MPP7: variants seen among roughly 807,000 people sequenced by gnomAD.
MPP7 encodes the protein MAGUK p55 subfamily member 7.
Under a neutral mutation model 76.5 loss-of-function variants are expected in MPP7, and 60 were observed. That is an observed-to-expected ratio of 0.78 (90% CI 0.64 to 0.97). The LOEUF (loss-of-function observed/expected upper bound fraction) is 0.97, where lower values mean the gene tolerates loss of function less well. MPP7 is among the 50% of genes least tolerant of loss of function. The pLI is 0.00. For missense variants in MPP7, 641 were observed against 694.0 expected (o/e 0.92, Z 0.86); for synonymous variants, 237 against 244.5 (o/e 0.97, Z 0.29).
chr10:28,120,522 G>T, intron 9 of MPP7, 72 bp downstream of exon 9: 2 of 1,513,866 alleles, frequency 1.3e-6, no homozygotes, highest in Non-Finnish European at 9.1e-7. Context: ...TTGTGACAAA[G>T]TGGATATGTG....
chr10:28,303,697 C>T (rs569273760), upstream of MPP7, among the ~76,000 whole-genome samples: 18 of 152,062 alleles, frequency 1.2e-4, no homozygotes, highest in African/African-American at 3.6e-4. Context: ...GAGTAGGGTG[C>T]GGAGAATGGT....
At position 28,263,340 on chromosome 10, in the gene MPP7, C is replaced by G. The variant is rs559430436; in HGVS notation, c.-131-24605G>C. 2.0e-4 allele frequency among the ~76,000 whole-genome samples: 30 copies of G among 148,700 alleles called. No individual in the cohort carries two copies. The East Asian group carries it at 6.6e-3, about 33-fold the overall frequency. On this transcript the variant is annotated intron_variant, in intron 1 of 16. Coordinates refer to ENST00000683449, the MANE Select transcript of MPP7 (RefSeq NM_001318170.2). Reference sequence around the variant, plus strand: ...GAGGGTAAAGTCACAAGGTTTGAAGCTGTGTTTGCATAGTTCTGCAAATAA... The same window carrying G: ...GAGGGTAAAGTCACAAGGTTTGAAGGTGTGTTTGCATAGTTCTGCAAATAA...
Position 28,233,734 on chromosome 10 carries a change from A to AG in MPP7, c.37+4833_37+4834insC, listed in dbSNP as rs1472630282. ...CTCCGTCTCAAAAAAAAAAAAAAAA[A>AG]AGAGAGAAACAACACTCCAAGGCTG... On this transcript the variant is annotated intron_variant, in intron 2 of 16. Transcript: ENST00000683449. Among the ~76,000 whole-genome samples the AG allele has an allele frequency of 1.3e-4, 19 of 148,814 alleles. No homozygotes were observed. In the East Asian group the frequency reaches 3.1e-3, roughly 24 times the overall value.
At chr10:28,136,180 C>T (rs1402726312) in intron 5 of MPP7, among the ~76,000 whole-genome samples, 1 of 151,664 alleles carries the variant, frequency 6.6e-6, no homozygotes, top group South Asian at 2.1e-4. Context: ...AAAATAAGCT[C>T]AAGGTTCCCA....
intron 16 of MPP7, among the ~76,000 whole-genome samples, chr10:28,056,235 A>G (rs146562730): frequency 0.024 from 3,579 of 151,080 alleles, 97 homozygotes; most frequent in East Asian, 0.12. Flanking sequence ...TCAGCTCACT[A>G]CACTCTCAGT....
chr10:28,274,101 CTTT>C (rs60127503), intron 1 of MPP7, among the ~76,000 whole-genome samples: 2 of 123,650 alleles, frequency 1.6e-5, no homozygotes, highest in Admixed American at 8.3e-5. Context: ...AAATTTTTTT[CTTT>C]TTTTTTTTTT....
chr10:28,098,113 T>C (rs1168415209), intron 11 of MPP7, among the ~76,000 whole-genome samples: 2 of 152,108 alleles, frequency 1.3e-5, no homozygotes, highest in Non-Finnish European at 2.9e-5. Flanking sequence ...ATATTATAGA[T>C]AAATATTATA....
At chr10:28,241,491 A>G (rs1301420238) in intron 1 of MPP7, among the ~76,000 whole-genome samples, 9 of 152,208 alleles carry the variant, frequency 5.9e-5, no homozygotes, top group Non-Finnish European at 8.8e-5. Context: ...GCTAGGTTTA[A>G]CTTTCAAACT....
At chr10:28,181,205 T>C (rs552582939) in intron 3 of MPP7, among the ~76,000 whole-genome samples, 104 of 152,186 alleles carry the variant, frequency 6.8e-4, no homozygotes, top group Non-Finnish European at 1.2e-3. Flanking sequence ...AATTTTAAAA[T>C]GTTAAAGATT....
In MPP7 at chr10:28,120,410, A is replaced by G. The variant is rs1834798182; in HGVS notation, c.691-20T>C. 1.3e-6 allele frequency: 2 copies of G among 1,589,614 alleles called. No individual in the cohort carries two copies. Among genetic ancestry groups the G allele is most frequent in the Non-Finnish European group, 8.6e-7 (1 of 1,165,862 alleles). On this transcript the variant is annotated intron_variant, in intron 9 of 16. Coordinates refer to ENST00000683449, the MANE Select transcript of MPP7 (RefSeq NM_001318170.2). The stretch of plus-strand genomic sequence containing the variant: ...AAACATCTGGAAGAAAAGTTTCATT[A>G]AAGATGAATAAAGATAAAAAATAAA...
chr10:28,297,868 T>C (rs1841070746), intron 1 of MPP7, among the ~76,000 whole-genome samples: 1 of 152,218 alleles, frequency 6.6e-6, no homozygotes. Context: ...TTGTAAATCG[T>C]TCATTGTCAT....
chr10:28,288,948 C>T (rs12570446), intron 1 of MPP7, among the ~76,000 whole-genome samples: 21,860 of 151,992 alleles, frequency 0.14, 2,156 homozygotes, highest in East Asian at 0.46. Context: ...GGGAAGTCAG[C>T]AGCACTTTTT....
intron 1 of MPP7, among the ~76,000 whole-genome samples, chr10:28,252,171 A>T (rs966690526): frequency 2.0e-5 from 3 of 152,238 alleles, no homozygotes; most frequent in Non-Finnish European, 1.5e-5. Context: ...TTAGCAAAGT[A>T]CTATGTCAGG....
intron 8 of MPP7, among the ~76,000 whole-genome samples, chr10:28,120,995 G>C (rs1327259396): frequency 6.6e-6 from 1 of 152,140 alleles, no homozygotes; most frequent in Non-Finnish European, 1.5e-5. Flanking sequence ...AATAAACACA[G>C]TATTCAATGA....
intron 5 of MPP7, among the ~76,000 whole-genome samples, chr10:28,145,742 G>C (rs1835682259): frequency 6.6e-6 from 1 of 152,074 alleles, no homozygotes; most frequent in South Asian, 2.1e-4. Context: ...CGTCTTTCAT[G>C]CTAACTTTAC....
At chr10:28,192,999 T>C (rs1260433933) in intron 3 of MPP7, among the ~76,000 whole-genome samples, 1 of 152,144 alleles carries the variant, frequency 6.6e-6, no homozygotes, top group Non-Finnish European at 1.5e-5. Flanking sequence ...TCAAAGGCAA[T>C]TCAATAGAAA....
chr10:28,204,651 C>T (rs1837890424), intron 2 of MPP7, among the ~76,000 whole-genome samples: 1 of 152,080 alleles, frequency 6.6e-6, no homozygotes, highest in Non-Finnish European at 1.5e-5. Context: ...CATCAATCTA[C>T]AATTATCTCA....
intron 2 of MPP7, among the ~76,000 whole-genome samples, chr10:28,233,341 TTA>T (rs1460039783): frequency 6.6e-6 from 1 of 152,210 alleles, no homozygotes; most frequent in African/African-American, 2.4e-5. Context: ...TCATATACGT[TTA>T]TGTGTGTTTA....
rs10577715 is a variant in MPP7, at chr10:28,077,082, C to CAAAAAA, written c.1124-7236_1124-7231dup. ...TCTTATTCTTAAAAATCTCTAACTA[C>CAAAAAA]AAAAAAAAAAAAAAAATCAACTCTC... On this transcript the variant is annotated intron_variant, in intron 12 of 16. Transcript: ENST00000683449. 2.0e-3 allele frequency among the ~76,000 whole-genome samples: 213 copies of CAAAAAA among 107,134 alleles called. 1 individual carries two copies. Among genetic ancestry groups the CAAAAAA allele is most frequent in the African/African-American group, 4.7e-3 (165 of 34,822 alleles). The allele number at this position is 107,134 out of a possible 152,430, so 70.3% of individuals were successfully genotyped here.
Sources: gnomAD v4.1 joint callset for allele counts (sites outside exome capture counted in the v4.1 genomes callset) on GRCh38, gnomAD v4.1.1 for gene constraint, MANE v1.5 for transcripts, NCBI Gene and HGNC (gene_info 2026-07-23, HGNC 2026-07-21) for gene names.